The following CNR1 variants were observed in gnomAD, a reference collection of about 807,000 sequenced individuals.
CNR1 encodes cannabinoid receptor 1 (brain).
In CNR1, 10 loss-of-function variants were observed where a neutral mutation model predicts 23.0. That is an observed-to-expected ratio of 0.43 (90% CI 0.27 to 0.74). The LOEUF is 0.74. Among genes scored for constraint, CNR1 ranks in the 30% least tolerant of loss-of-function variants. The pLI is 0.19. For synonymous variants in CNR1, 271 were observed against 255.2 expected (o/e 1.06, Z -0.59); for missense variants, 422 against 618.8 (o/e 0.68, Z 3.37).
Position 88,140,518 on chromosome 6 carries a change from G to A in CNR1, c.*3338C>T, listed in dbSNP as rs1440297664. On this transcript the variant is annotated 3_prime_UTR_variant, in exon 2 of 2. Transcript: ENST00000369501. ...AGGCATTGTTAACATTTCATCAGAAGGCCAGTGCAAGACAATTAATTGTTA... is the reference window on the plus strand; with the variant it reads ...AGGCATTGTTAACATTTCATCAGAAAGCCAGTGCAAGACAATTAATTGTTA... 1 of 152,742 alleles carries A rather than the reference G, an allele frequency of 6.5e-6. No individual in the cohort carries two copies. 9.5% of individuals were successfully genotyped at this position (152,742 alleles called of 1,614,324 possible).
chr6:88,146,253 G>A lies in CNR1; in HGVS notation c.-63-916C>T, dbSNP rs137925418. On this transcript the variant is annotated intron_variant, in intron 1 of 1. Coordinates refer to ENST00000369501, the MANE Select transcript of CNR1 (RefSeq NM_016083.6). ...CTTGAGTAGCTGGGACTACAGGTGCGCACCACCATGCCCGGCTAATTTTTG... is the reference window on the plus strand; with the variant it reads ...CTTGAGTAGCTGGGACTACAGGTGCACACCACCATGCCCGGCTAATTTTTG... Among the ~76,000 whole-genome samples, 903 of 152,104 alleles carry A rather than the reference G, an allele frequency of 5.9e-3. 14 individuals carry two copies. The highest frequency in any genetic ancestry group is 0.02 in the African/African-American group (835 of 41,492).
chr6:88,145,253 G>C lies in CNR1; in HGVS notation c.22C>G (p.Leu8Val). 2 of 1,612,574 alleles carry C rather than the reference G, an allele frequency of 1.2e-6. No homozygotes were observed. Among genetic ancestry groups the C allele is most frequent in the Non-Finnish European group, 1.7e-6 (2 of 1,178,940 alleles). The change falls in exon 2 of 2, where the codon CTT becomes GTT. Residue 8 changes from leucine to valine, a missense_variant. By Grantham distance (32) the Leu-to-Val change is conservative (BLOSUM62 1). Transcript: ENST00000369501. MKSILDG[L>V]ADTTFRTITT... ...ATGGTGCGGAAGGTGGTATCTGCAA[G>C]GCCATCTAGGATCGACTTCATAACC...
intron 1 of CNR1, among the ~76,000 whole-genome samples, chr6:88,163,873 CA>C (rs1460278124): frequency 1.3e-5 from 2 of 152,154 alleles, no homozygotes; most frequent in Non-Finnish European, 2.9e-5. Context: ...AGCAATCTCA[CA>C]GGCAAGACAG....
At chr6:88,146,677 G>A (rs542326649) in intron 1 of CNR1, among the ~76,000 whole-genome samples, 12 of 152,182 alleles carry the variant, frequency 7.9e-5, no homozygotes, top group African/African-American at 2.9e-4. Flanking sequence ...CATTTCTTTA[G>A]TTTATTTTTA....
chr6:88,159,568 A>G (rs1159909372), intron 1 of CNR1, among the ~76,000 whole-genome samples: 2 of 152,238 alleles, frequency 1.3e-5, no homozygotes, highest in Admixed American at 1.3e-4. Flanking sequence ...GAGGACTAAA[A>G]TAATTCAAAG....
At chr6:88,157,402 C>T (rs1211196416) in intron 1 of CNR1, among the ~76,000 whole-genome samples, 1 of 152,052 alleles carries the variant, frequency 6.6e-6, no homozygotes, top group African/African-American at 2.4e-5. Context: ...AACTTCTCCT[C>T]CTGCTACAAC....
chr6:88,148,320 T>C (rs1272875897), intron 1 of CNR1, among the ~76,000 whole-genome samples: 4 of 152,178 alleles, frequency 2.6e-5, no homozygotes, highest in African/African-American at 9.7e-5. Context: ...TTCTAATACT[T>C]CTTTGTGTTT....
chr6:88,160,036 A>G (rs1355208137), intron 1 of CNR1, among the ~76,000 whole-genome samples: 1 of 152,100 alleles, frequency 6.6e-6, no homozygotes, highest in Non-Finnish European at 1.5e-5. Flanking sequence ...TATTAAAAAC[A>G]TCATTTTTAG....
At chr6:88,161,648 G>T (rs927961686) in intron 1 of CNR1, among the ~76,000 whole-genome samples, 2 of 152,142 alleles carry the variant, frequency 1.3e-5, no homozygotes, top group Non-Finnish European at 2.9e-5. Flanking sequence ...AAGAACTAAA[G>T]ATAACTACAC....
intron 1 of CNR1, among the ~76,000 whole-genome samples, chr6:88,156,777 C>T (rs1777824155): frequency 6.6e-6 from 1 of 152,214 alleles, no homozygotes. Context: ...GCATCAGCAA[C>T]ATGGAAGATC....
In CNR1 at chr6:88,144,224, C is replaced by A. The variant is rs777129355; in HGVS notation, c.1051G>T (p.Val351Leu). 163 of 1,611,950 alleles carry A rather than the reference C, an allele frequency of 1.0e-4. No homozygotes were observed. The highest frequency in any genetic ancestry group is 1.4e-4 in the Non-Finnish European group (160 of 1,179,990). The change falls in exon 2 of 2, where the codon GTG (valine) becomes TTG (leucine). Residue 351 changes from valine (V) to leucine (L), a missense_variant. Physicochemically the swap from Val to Leu is conservative, Grantham distance 32 (BLOSUM62 1). This residue lies in a region of CNR1 where 211 missense variants were observed against 357.3 expected (regional missense o/e 0.59). Coordinates refer to ENST00000369501, the MANE Select transcript of CNR1 (RefSeq NM_016083.6). The surrounding 1 kb of genome is among the most constrained non-coding windows in gnomAD (Gnocchi z 7.8). ...LAKTLVLILV[V>L]LIICWGPLLA... ...AGAGGGCCCCAGCAGATGATCAACA[C>A]CACCAGGATCAGGACCAGGGTCTTG...
chr6:88,149,236 C>A (rs981172470), intron 1 of CNR1, among the ~76,000 whole-genome samples: 1 of 152,192 alleles, frequency 6.6e-6, no homozygotes, highest in African/African-American at 2.4e-5. Flanking sequence ...TGCTTCTGGG[C>A]TCCTTTATCT....
Position 88,166,293 on chromosome 6 carries a change from G to C in CNR1, c.-554C>G, listed in dbSNP as rs1778367866. ...CCCGTCTCCGCCAGCCCGGGCGCCC[G>C]TCGCCTCGTCCCGCTCGCGCAGTCC... On this transcript the variant is annotated 5_prime_UTR_variant, in exon 1 of 2. Transcript: ENST00000369501. 6.6e-6 allele frequency: 1 copy of C among 152,502 alleles called. No homozygotes were observed. Among genetic ancestry groups the C allele is most frequent in the African/African-American group, 2.4e-5 (1 of 41,440 alleles). The allele number at this position is 152,502 out of a possible 1,614,324, so 9.4% of individuals were successfully genotyped here.
rs138120184 is a variant in CNR1 at position 88,157,266 on chromosome 6, G to C, written c.-64+8537C>G. ...CAAATGGGTTTCTCCACTTGCGAGC[G>C]TGTTTCCAAAACTTCTCAAGAGAAG... On this transcript the variant is annotated intron_variant, in intron 1 of 1. Coordinates refer to ENST00000369501, the MANE Select transcript of CNR1 (RefSeq NM_016083.6). Among the ~76,000 whole-genome samples the C allele has an allele frequency of 6.6e-5, 10 of 152,164 alleles. No individual in the cohort carries two copies. The East Asian group carries it at 1.5e-3, about 23-fold the overall frequency.
chr6:88,153,278 G>A lies in CNR1; in HGVS notation c.-63-7941C>T, dbSNP rs1004673866. On this transcript the variant is annotated intron_variant, in intron 1 of 1. Coordinates refer to ENST00000369501, the MANE Select transcript of CNR1 (RefSeq NM_016083.6). ...AAGGAATTTTGTGAGTATGGCTGCT[G>A]CATAAAGTTGTTGTTTTTTTTAATG... Among the ~76,000 whole-genome samples the A allele has an allele frequency of 7.2e-5, 11 of 152,200 alleles. No homozygotes were observed. In the East Asian group the frequency reaches 1.9e-3, roughly 27 times the overall value.
Position 88,142,032 on chromosome 6 carries a change from G to T in CNR1, c.*1824C>A, listed in dbSNP as rs4707436. The T allele has an allele frequency of 6.6e-6, 1 of 152,056 alleles. No individual in the cohort carries two copies. The highest frequency in any genetic ancestry group is 1.9e-4 in the East Asian group (1 of 5,326). The allele number at this position is 152,056 out of a possible 1,614,324, so 9.4% of individuals were successfully genotyped here. A position where few individuals can be genotyped will look rare whatever the true frequency, so the allele number is the denominator to read the frequency against. On this transcript the variant is annotated 3_prime_UTR_variant, in exon 2 of 2. Coordinates refer to ENST00000369501, the MANE Select transcript of CNR1 (RefSeq NM_016083.6). ...AAAAGGCCCAACAAGCACCCATGGC[G>T]CCATTAAGGAGCATGAGACCGGGGT...
intron 1 of CNR1, among the ~76,000 whole-genome samples, chr6:88,160,104 G>C (rs1778012050): frequency 6.6e-6 from 1 of 151,996 alleles, no homozygotes; most frequent in African/African-American, 2.4e-5. Flanking sequence ...GAGGCAGGCG[G>C]ATCACTTGAG....
intron 1 of CNR1, among the ~76,000 whole-genome samples, chr6:88,155,962 T>C (rs1446952205): frequency 1.3e-5 from 2 of 152,154 alleles, no homozygotes; most frequent in African/African-American, 2.4e-5. Context: ...GAATGAGACA[T>C]GTTTATTAGT....
chr6:88,156,687 A>G (rs1777818524), intron 1 of CNR1, among the ~76,000 whole-genome samples: 1 of 152,164 alleles, frequency 6.6e-6, no homozygotes, highest in African/African-American at 2.4e-5. Flanking sequence ...GCTGGGAACT[A>G]TCTTATAGGT....
Sources: allele counts gnomAD v4.1 joint callset (sites outside exome capture counted in the v4.1 genomes callset), GRCh38; gene constraint gnomAD v4.1.1; regional missense constraint gnomAD v4.1.1; non-coding constraint Gnocchi (gnomAD v3.1); transcripts MANE v1.5; gene names NCBI Gene and HGNC (gene_info 2026-07-23, HGNC 2026-07-21).